Variants in CCDC148 observed in about 807,000 individuals in gnomAD.
CCDC148 encodes coiled-coil domain containing 148.
In CCDC148, 89 loss-of-function variants were observed where a neutral mutation model predicts 85.7. The ratio of observed to expected loss-of-function variants is 1.04; its 90% confidence interval spans 0.87 to 1.24. The LOEUF is 1.24. Among genes scored for constraint, CCDC148 ranks in the 50% most tolerant of loss-of-function variants. CCDC148 has a pLI of 0.00. For synonymous variants in CCDC148, 230 were observed against 213.9 expected (o/e 1.08, Z -0.66); for missense variants, 692 against 671.7 (o/e 1.03, Z -0.33).
intron 1 of CCDC148, among the ~76,000 whole-genome samples, chr2:158,407,273 T>A (rs1043950040): frequency 1.3e-5 from 2 of 152,156 alleles, no homozygotes; most frequent in African/African-American, 4.8e-5. Flanking sequence ...TCTGAACTCA[T>A]CCCTTTGACT....
chr2:158,311,279 G>A lies in CCDC148; in HGVS notation c.904-1640C>T, dbSNP rs555238622. Among the ~76,000 whole-genome samples, 54 of 152,334 alleles carry A rather than the reference G, an allele frequency of 3.5e-4. 2 individuals are homozygous for A. The South Asian group carries it at 4.6e-3, about 13-fold the overall frequency. ...GAGGTCAGGAGCTGGAGACCAGCCC[G>A]GCCAACACGGCGAAACCCCGTCTCC... On this transcript the variant is annotated intron_variant, in intron 8 of 13. Coordinates refer to ENST00000283233, the MANE Select transcript of CCDC148 (RefSeq NM_138803.4).
intron 10 of CCDC148, among the ~76,000 whole-genome samples, chr2:158,227,018 C>T (rs1473675639): frequency 2.6e-5 from 4 of 152,066 alleles, no homozygotes; most frequent in Non-Finnish European, 5.9e-5. Context: ...GTCAAATTGT[C>T]CCTGTTTGCA....
chr2:158,400,212 A>G (rs13415799), intron 1 of CCDC148, among the ~76,000 whole-genome samples: 7,572 of 152,252 alleles, frequency 0.05, 345 homozygotes, highest in African/African-American at 0.12. Context: ...AAACTACTTC[A>G]AAGTTCATAT....
chr2:158,189,894 A>G (rs1685337628), intron 11 of CCDC148, among the ~76,000 whole-genome samples: 1 of 152,004 alleles, frequency 6.6e-6, no homozygotes, highest in African/African-American at 2.4e-5. Context: ...GAAGATATGC[A>G]CCAATAAATG....
chr2:158,453,373 A>AGGATGG (rs1366620017), intron 1 of CCDC148, among the ~76,000 whole-genome samples: 1 of 152,188 alleles, frequency 6.6e-6, no homozygotes, highest in African/African-American at 2.4e-5. Context: ...ATATATTCAG[A>AGGATGG]GGATGGGGAT....
rs539989214 is a variant in CCDC148 at position 158,228,905 on chromosome 2, C to T, written c.1252-8192G>A. 3.5e-4 allele frequency among the ~76,000 whole-genome samples: 52 copies of T among 147,524 alleles called. 1 individual carries two copies. The South Asian group carries it at 9.9e-3, about 28-fold the overall frequency. The stretch of plus-strand genomic sequence containing the variant: ...AGCACACCAACATGGCACATGTATA[C>T]ATATGTAACTAACCTGCACGTTGTG... On this transcript the variant is annotated intron_variant, in intron 10 of 13. Transcript: ENST00000283233.
chr2:158,340,630 C>G lies in CCDC148; in HGVS notation c.302G>C (p.Gly101Ala). ...IKSLLNEENIGNECLCDLTNF... is the reference protein window; with the variant it reads ...IKSLLNEENIANECLCDLTNF... ...TGTAAGGTCACAAAGACATTCATTT[C>G]CAATGTTCTCTTCATTGAGAAGGGA... Residue 101 changes from glycine (G) to alanine (A), a missense_variant, in exon 4 of 14, where the codon GGA becomes GCA. Gly to Ala is a moderately conservative substitution (Grantham distance 60, BLOSUM62 0). Transcript: ENST00000283233. 1 of 1,591,198 alleles carries G rather than the reference C, an allele frequency of 6.3e-7. No homozygotes were observed. The highest frequency in any genetic ancestry group is 8.6e-7 in the Non-Finnish European group (1 of 1,166,406).
intron 1 of CCDC148, among the ~76,000 whole-genome samples, chr2:158,453,176 C>G (rs1237092439): frequency 2.6e-5 from 4 of 152,194 alleles, no homozygotes; most frequent in South Asian, 2.1e-4. Context: ...CAATCATGAT[C>G]ATGATGTGGA....
Position 158,338,599 on chromosome 2 carries a change from C to A in CCDC148, c.764+127G>T, listed in dbSNP as rs889169397. On this transcript the variant is annotated intron_variant, in intron 7 of 13. Coordinates refer to ENST00000283233, the MANE Select transcript of CCDC148 (RefSeq NM_138803.4). ...CCTCTCTATTCATCAAATAGTCAGT[C>A]TAAACATTTATTGATTGTATTCCAG... 8 of 681,830 alleles carry A rather than the reference C, an allele frequency of 1.2e-5. No homozygotes were observed. In the African/African-American group the frequency reaches 1.5e-4, roughly 13 times the overall value. The allele number at this position is 681,830 out of a possible 1,614,324, so 42.2% of individuals were successfully genotyped here.
intron 1 of CCDC148, among the ~76,000 whole-genome samples, chr2:158,434,672 CT>C (rs1373071399): frequency 6.6e-6 from 1 of 152,024 alleles, no homozygotes; most frequent in African/African-American, 2.4e-5. Context: ...TAATAACAAA[CT>C]TCTCTGAGCT....
intron 9 of CCDC148, among the ~76,000 whole-genome samples, chr2:158,264,668 C>T (rs931337370): frequency 4.6e-5 from 7 of 151,888 alleles, no homozygotes; most frequent in Non-Finnish European, 1.0e-4. Context: ...GGGGCCTCAC[C>T]CAGATTATCC....
At chr2:158,184,980 A>G (rs1685085687) in intron 11 of CCDC148, among the ~76,000 whole-genome samples, 1 of 152,198 alleles carries the variant, frequency 6.6e-6, no homozygotes, top group Non-Finnish European at 1.5e-5. Context: ...TATACAGATT[A>G]AAAGGACTTT....
chr2:158,423,063 G>T (rs1279412277), intron 1 of CCDC148, among the ~76,000 whole-genome samples: 1 of 152,088 alleles, frequency 6.6e-6, no homozygotes, highest in Non-Finnish European at 1.5e-5. Context: ...ACAAACCACT[G>T]CTCAACGAAA....
At chr2:158,360,494 C>T (rs1683889001) in intron 1 of CCDC148, among the ~76,000 whole-genome samples, 1 of 152,154 alleles carries the variant, frequency 6.6e-6, no homozygotes, top group Admixed American at 6.5e-5. Context: ...GCAACCTTTG[C>T]TGTTCTGCAG....
chr2:158,401,797 A>G (rs1574758195), intron 1 of CCDC148, among the ~76,000 whole-genome samples: 1 of 152,040 alleles, frequency 6.6e-6, no homozygotes, highest in Non-Finnish European at 1.5e-5. Flanking sequence ...TTTGGGAATA[A>G]GGGAGAGGGC....
At chr2:158,449,817 T>C (rs1688321597) in intron 1 of CCDC148, among the ~76,000 whole-genome samples, 2 of 152,220 alleles carry the variant, frequency 1.3e-5, no homozygotes, top group African/African-American at 4.8e-5. Flanking sequence ...TTCTCAGATT[T>C]AGAAGGAAAG....
At chr2:158,209,837 C>T (rs1038539641) in intron 11 of CCDC148, among the ~76,000 whole-genome samples, 3 of 152,022 alleles carry the variant, frequency 2.0e-5, no homozygotes, top group Non-Finnish European at 2.9e-5. Flanking sequence ...AAGAAAAAAC[C>T]GGTACCAGCC....
rs1037305204 is a variant in CCDC148 at position 158,310,509 on chromosome 2, G to A, written c.904-870C>T. On this transcript the variant is annotated intron_variant, in intron 8 of 13. Coordinates refer to ENST00000283233, the MANE Select transcript of CCDC148 (RefSeq NM_138803.4). ...TCCCAGACGTGACGGCTGGGCAGAG[G>A]GGCCCCCCACCCCCCAGACGGGGCC... Among the ~76,000 whole-genome samples the A allele has an allele frequency of 1.2e-3, 180 of 151,116 alleles. 1 individual carries two copies. The highest frequency in any genetic ancestry group is 4.2e-3 in the African/African-American group (172 of 41,098).
At chr2:158,418,760 T>C (rs1686629331) in intron 1 of CCDC148, among the ~76,000 whole-genome samples, 3 of 152,150 alleles carry the variant, frequency 2.0e-5, no homozygotes. Flanking sequence ...ATAGAAGCTC[T>C]GTGGAGCAAA....
Sources: allele counts gnomAD v4.1 joint callset (sites outside exome capture counted in the v4.1 genomes callset), GRCh38; gene constraint gnomAD v4.1.1; transcripts MANE v1.5; gene names NCBI Gene and HGNC (gene_info 2026-07-23, HGNC 2026-07-21).